Variants in TNS3 observed in about 807,000 individuals in gnomAD.
TNS3 encodes the protein tensin 3, also known as tensin-3.
TNS3 carries 45 observed loss-of-function variants against 140.9 expected under a neutral mutation model. The ratio of observed to expected loss-of-function variants is 0.32; its 90% CI spans 0.25 to 0.41. TNS3 has a LOEUF of 0.41. Among genes scored for constraint, TNS3 ranks in the 10% least tolerant of loss-of-function variants. The pLI, the probability that TNS3 is intolerant of heterozygous loss-of-function variation, is 1.00. For synonymous variants in TNS3, 815 were observed against 788.4 expected (o/e 1.03, Z -0.56); for missense variants, 1,716 against 1,906.7 (o/e 0.90, Z 1.86).
chr7:47,278,201 G>T lies in TNS3; in HGVS notation c.4213C>A (p.Arg1405=), dbSNP rs996828355. ...TTATCCGTGGCACTGCCCTGCTTCC[G>T]GGCCACAAATCCAAAGACTCTGCCA... ...PSSKVFGFVA[R]KQGSATDNVC... The change falls in exon 31 of 31, where the codon CGG becomes AGG. Residue 1405 remains arginine (R), a synonymous_variant. Transcript: ENST00000311160. 5 of 1,613,842 alleles carry T rather than the reference G, an allele frequency of 3.1e-6. No individual in the cohort carries two copies. In the Admixed American group the frequency reaches 5.0e-5, roughly 16 times the overall value.
chr7:47,470,416 C>A, intron 4 of TNS3: 1 of 975,512 alleles, frequency 1.0e-6, no homozygotes, highest in Non-Finnish European at 1.2e-6. Flanking sequence ...GAATCTGTGC[C>A]ATAAAAGAAA....
chr7:47,469,876 A>C (rs1796875770), intron 4 of TNS3, among the ~76,000 whole-genome samples: 1 of 149,776 alleles, frequency 6.7e-6, no homozygotes, highest in South Asian at 2.1e-4. Context: ...CAGGAGGCTA[A>C]GGCAGGAGAA....
At chr7:47,353,751 C>T (rs914946661) in intron 17 of TNS3, among the ~76,000 whole-genome samples, 2 of 152,118 alleles carry the variant, frequency 1.3e-5, no homozygotes, top group African/African-American at 4.8e-5. Context: ...CCCAGCACCC[C>T]TCCTCCTCCA....
At chr7:47,346,073 T>C in intron 18 of TNS3, 114 bp downstream of exon 18, 1 of 1,361,042 alleles carries the variant, frequency 7.3e-7, no homozygotes, top group Non-Finnish European at 1.0e-6. Flanking sequence ...GTGCGGAGGA[T>C]AATGTGGGCT....
intron 1 of TNS3, among the ~76,000 whole-genome samples, chr7:47,546,383 C>G (rs990734989): frequency 9.2e-5 from 14 of 152,110 alleles, no homozygotes; most frequent in African/African-American, 3.4e-4. Context: ...CAGGACCTGC[C>G]GTCACCGCAG....
intron 4 of TNS3, among the ~76,000 whole-genome samples, chr7:47,446,322 G>A (rs1795727459): frequency 6.6e-6 from 1 of 152,140 alleles, no homozygotes; most frequent in South Asian, 2.1e-4. Flanking sequence ...CTCTCTAGGT[G>A]TTTTGAAAAG....
intron 20 of TNS3, among the ~76,000 whole-genome samples, chr7:47,322,207 A>T (rs371497250): frequency 3.0e-5 from 4 of 135,416 alleles, no homozygotes; most frequent in African/African-American, 8.9e-5. Flanking sequence ...AGTGAAGTAG[A>T]ACGGGCAAAA....
chr7:47,485,413 G>A (rs78446799), intron 3 of TNS3, among the ~76,000 whole-genome samples: 3,278 of 152,310 alleles, frequency 0.022, 117 homozygotes, highest in African/African-American at 0.074. Context: ...CGCCAGCCAC[G>A]GGAACTCTCC....
chr7:47,357,379 C>T (rs1430285389), intron 17 of TNS3, among the ~76,000 whole-genome samples: 1 of 152,120 alleles, frequency 6.6e-6, no homozygotes, highest in Non-Finnish European at 1.5e-5. Flanking sequence ...GACTTCAGCT[C>T]ATTCACACAC....
chr7:47,458,434 C>T (rs1485837209), intron 4 of TNS3, among the ~76,000 whole-genome samples: 1 of 152,272 alleles, frequency 6.6e-6, no homozygotes, highest in Non-Finnish European at 1.5e-5. Flanking sequence ...TTTAGAACAG[C>T]TGTGCCTCCT....
At chr7:47,398,796 C>G (rs1300512920) in intron 15 of TNS3, among the ~76,000 whole-genome samples, 1 of 151,988 alleles carries the variant, frequency 6.6e-6, no homozygotes, top group Non-Finnish European at 1.5e-5. Context: ...CACTTCTATT[C>G]AACATAGTAC....
At chr7:47,511,335 C>G (rs2151894622) in intron 2 of TNS3, among the ~76,000 whole-genome samples, 1 of 152,162 alleles carries the variant, frequency 6.6e-6, no homozygotes, top group Admixed American at 6.5e-5. Context: ...CAAGGGTAAC[C>G]AGCCTCTTGA....
chr7:47,496,541 C>T (rs757754274), intron 3 of TNS3, among the ~76,000 whole-genome samples: 2 of 152,230 alleles, frequency 1.3e-5, no homozygotes, highest in Non-Finnish European at 2.9e-5. Flanking sequence ...GCACCCCCAG[C>T]AGGGTATAAA....
chr7:47,389,109 C>CAGAAGCAGAAGCAGAAGAAGA lies in TNS3; in HGVS notation c.1024+7690_1024+7691insTCTTCTTCTGCTTCTGCTTCT, dbSNP rs1195199187. ...GAGGAAGAGGAAGAGGAAGCGGAAG[C>CAGAAGCAGAAGCAGAAGAAGA]AGAAGAAGAAGAAGAAGAAGAAGAA... On this transcript the variant is annotated intron_variant, in intron 16 of 30. Coordinates refer to ENST00000311160, the MANE Select transcript of TNS3 (RefSeq NM_022748.12). Among the ~76,000 whole-genome samples, 5 of 59,140 alleles carry CAGAAGCAGAAGCAGAAGAAGA rather than the reference C, an allele frequency of 8.5e-5. 1 individual carries two copies. Among genetic ancestry groups the CAGAAGCAGAAGCAGAAGAAGA allele is most frequent in the South Asian group, 1.3e-3 (2 of 1,510 alleles). The allele number at this position is 59,140 out of a possible 152,430, so 38.8% of individuals were successfully genotyped here. A position where few individuals can be genotyped will look rare whatever the true frequency, so the allele number is the denominator to read the frequency against.
chr7:47,450,960 C>G (rs1795986681), intron 4 of TNS3, among the ~76,000 whole-genome samples: 1 of 152,060 alleles, frequency 6.6e-6, no homozygotes, highest in African/African-American at 2.4e-5. Flanking sequence ...GTGATGAAAC[C>G]CCGTCTCTAC....
intron 20 of TNS3, among the ~76,000 whole-genome samples, chr7:47,339,121 G>A (rs1584432499): frequency 6.6e-6 from 1 of 151,942 alleles, no homozygotes; most frequent in African/African-American, 2.4e-5. Flanking sequence ...TTTTGGACAT[G>A]TGGTTTGCAA....
intron 2 of TNS3, among the ~76,000 whole-genome samples, chr7:47,516,429 T>G (rs554547647): frequency 1.3e-5 from 2 of 152,040 alleles, no homozygotes; most frequent in Non-Finnish European, 2.9e-5. Context: ...CATCTAAACT[T>G]GCAGTGACTG....
intron 20 of TNS3, among the ~76,000 whole-genome samples, chr7:47,344,006 C>G (rs769029825): frequency 6.6e-6 from 1 of 152,110 alleles, no homozygotes; most frequent in Non-Finnish European, 1.5e-5. Flanking sequence ...TCTCAGGTAA[C>G]GTGCCTAATA....
chr7:47,334,281 C>G (rs1331155807), intron 20 of TNS3, among the ~76,000 whole-genome samples: 3 of 152,180 alleles, frequency 2.0e-5, no homozygotes, highest in Non-Finnish European at 4.4e-5. Flanking sequence ...CCTAAAATGC[C>G]TACACCCTAC....
Sources: allele counts gnomAD v4.1 joint callset (sites outside exome capture counted in the v4.1 genomes callset), GRCh38; gene constraint gnomAD v4.1.1; transcripts MANE v1.5; gene names NCBI Gene and HGNC (gene_info 2026-07-23, HGNC 2026-07-21).